The following COBLL1 variants were observed in gnomAD, a reference collection of about 807,000 sequenced individuals.
The protein encoded by COBLL1 is cordon-bleu protein-like 1.
COBLL1 carries 50 observed loss-of-function variants against 94.8 expected under a neutral mutation model. That is an observed-to-expected ratio of 0.53 (90% CI 0.42 to 0.67). The LOEUF (loss-of-function observed/expected upper bound fraction) is 0.67. Among genes scored for constraint, COBLL1 ranks in the 30% least tolerant of loss-of-function variants. COBLL1 has a pLI of 0.00. For synonymous variants in COBLL1, 448 were observed against 473.8 expected (o/e 0.95, Z 0.71); for missense variants, 1,362 against 1,348.7 (o/e 1.01, Z -0.15).
chr2:164,728,289 A>T, intron 4 of COBLL1, 92 bp from the exon 5 acceptor site: 1 of 743,234 alleles, frequency 1.3e-6, no homozygotes, highest in Non-Finnish European at 2.3e-6. Flanking sequence ...ACCTACAGTT[A>T]CATATTCAAA....
Position 164,801,188 on chromosome 2 carries a change from C to G in COBLL1, c.41+39968G>C, listed in dbSNP as rs574136909. Among the ~76,000 whole-genome samples, 175 of 151,848 alleles carry G rather than the reference C, an allele frequency of 1.2e-3. 2 individuals are homozygous for G. The highest frequency in any genetic ancestry group is 3.8e-3 in the African/African-American group (157 of 41,380). ...GGCGCGGTGGCTCACGCCTGTAATC[C>G]CAGCACTTTGGGAGGCCGAGGCAGG... On this transcript the variant is annotated intron_variant, in intron 2 of 13. Transcript: ENST00000652658.
chr2:164,682,347 G>C lies in COBLL1; in HGVS notation c.*3599C>G, dbSNP rs1454322805. The C allele has an allele frequency of 6.6e-6, 1 of 152,156 alleles. No homozygotes were observed. The highest frequency in any genetic ancestry group is 2.4e-5 in the African/African-American group (1 of 41,436). 9.4% of individuals were successfully genotyped at this position (152,156 alleles called of 1,614,324 possible). A position where few individuals can be genotyped will look rare whatever the true frequency, so the allele number is the denominator to read the frequency against. On this transcript the variant is annotated 3_prime_UTR_variant, in exon 14 of 14. Coordinates refer to ENST00000652658, the MANE Select transcript of COBLL1 (RefSeq NM_001365672.2). Reference sequence around the variant, plus strand: ...ATCAAAATCAGTAGATTTTAAAAATGATGAGTTTGATTCTTAGTTCTTTGA... The same window carrying C: ...ATCAAAATCAGTAGATTTTAAAAATCATGAGTTTGATTCTTAGTTCTTTGA...
At chr2:164,706,960 T>C (rs553158475) in intron 7 of COBLL1, among the ~76,000 whole-genome samples, 1 of 152,296 alleles carries the variant, frequency 6.6e-6, no homozygotes, top group East Asian at 1.9e-4. Flanking sequence ...TAGCTTTCTC[T>C]GGCCTCTCCT....
At chr2:164,800,801 G>A (rs1197287956) in intron 2 of COBLL1, among the ~76,000 whole-genome samples, 2 of 152,108 alleles carry the variant, frequency 1.3e-5, no homozygotes, top group African/African-American at 2.4e-5. Flanking sequence ...AGTCTCAAAA[G>A]GTTGCATACT....
At chr2:164,824,830 C>CA (rs1007138177) in intron 2 of COBLL1, among the ~76,000 whole-genome samples, 5 of 151,720 alleles carry the variant, frequency 3.3e-5, no homozygotes, top group African/African-American at 4.8e-5. Context: ...ATTAAAAATA[C>CA]AAAAAAAAGT....
intron 2 of COBLL1, among the ~76,000 whole-genome samples, chr2:164,771,280 T>C (rs192840196): frequency 1.1e-4 from 16 of 152,150 alleles, no homozygotes; most frequent in African/African-American, 3.8e-4. Flanking sequence ...TTGAAAATCA[T>C]CTTTAGTAAT....
intron 12 of COBLL1, among the ~76,000 whole-genome samples, chr2:164,693,651 A>G (rs1683737566): frequency 1.3e-5 from 2 of 152,168 alleles, no homozygotes; most frequent in Admixed American, 1.3e-4. Flanking sequence ...TAGTGGTTAG[A>G]TAACAGTTTG....
At chr2:164,700,212 C>T (rs1352428214) in intron 10 of COBLL1, among the ~76,000 whole-genome samples, 2 of 152,004 alleles carry the variant, frequency 1.3e-5, no homozygotes, top group Admixed American at 1.3e-4. Flanking sequence ...TTAAATATTA[C>T]ATATAGGTCA....
chr2:164,798,765 A>G (rs918008695), intron 2 of COBLL1, among the ~76,000 whole-genome samples: 2 of 152,136 alleles, frequency 1.3e-5, no homozygotes, highest in African/African-American at 4.8e-5. Context: ...CACGCCTGTA[A>G]TCCCAGCACT....
At chr2:164,673,920 G>C (rs1233332451) in intron 1 of COBLL1, among the ~76,000 whole-genome samples, 1 of 151,986 alleles carries the variant, frequency 6.6e-6, no homozygotes, top group Non-Finnish European at 1.5e-5. Flanking sequence ...GAATGAAGCT[G>C]GCTATTGTCA....
intron 2 of COBLL1, among the ~76,000 whole-genome samples, chr2:164,784,124 C>T (rs1425980383): frequency 6.6e-6 from 1 of 152,182 alleles, no homozygotes. Context: ...TCTCAGGCTT[C>T]CTTTCTCTCT....
intron 9 of COBLL1, among the ~76,000 whole-genome samples, chr2:164,703,418 TA>T (rs1684420799): frequency 6.6e-6 from 1 of 152,220 alleles, no homozygotes; most frequent in Non-Finnish European, 1.5e-5. Context: ...CACTCCTTTT[TA>T]TAATATTTCA....
intron 2 of COBLL1, among the ~76,000 whole-genome samples, chr2:164,837,059 A>T (rs566695909): frequency 6.6e-6 from 1 of 152,350 alleles, no homozygotes; most frequent in South Asian, 2.1e-4. Context: ...TTAAGAAAGC[A>T]GCTGTTAAAT....
At chr2:164,839,134 C>CA (rs1347356132) in intron 2 of COBLL1, among the ~76,000 whole-genome samples, 3 of 152,088 alleles carry the variant, frequency 2.0e-5, no homozygotes, top group African/African-American at 7.2e-5. Context: ...TAATGTAAGG[C>CA]AAAATGATAG....
rs901463859 is a variant in COBLL1, at chr2:164,719,935, GA to G, written c.996+2139del. ...AAATGAATAAAAGAAACAGTGACAA[GA>G]AAAAAAAAATAGAAGAGGGCTGAGA... is the stretch of plus-strand genomic sequence containing the variant. On this transcript the variant is annotated intron_variant, in intron 7 of 13. Coordinates refer to ENST00000652658, the MANE Select transcript of COBLL1 (RefSeq NM_001365672.2). Among the ~76,000 whole-genome samples the G allele has an allele frequency of 3.4e-3, 499 of 145,774 alleles. 1 individual carries two copies. Among genetic ancestry groups the G allele is most frequent in the Non-Finnish European group, 6.2e-3 (407 of 65,972 alleles).
At chr2:164,781,952 A>T (rs1444440580) in intron 2 of COBLL1, among the ~76,000 whole-genome samples, 5 of 152,196 alleles carry the variant, frequency 3.3e-5, no homozygotes, top group African/African-American at 1.2e-4. Flanking sequence ...TGAATTTTTT[A>T]AAATGGAATA....
At chr2:164,773,879 T>G (rs1688334018) in intron 2 of COBLL1, 3 of 286,966 alleles carry the variant, frequency 1.0e-5, no homozygotes, top group Non-Finnish European at 1.8e-5. Flanking sequence ...TTCACTGGTC[T>G]TATCCAATCA....
downstream of COBLL1, among the ~76,000 whole-genome samples, chr2:164,679,379 A>G (rs1209529998): frequency 2.0e-5 from 3 of 152,152 alleles, no homozygotes; most frequent in Admixed American, 6.6e-5. Flanking sequence ...GGCAACTGAG[A>G]TAAGGTTACA....
chr2:164,714,916 T>C (rs1574460119), intron 7 of COBLL1, among the ~76,000 whole-genome samples: 1 of 152,312 alleles, frequency 6.6e-6, no homozygotes, highest in Non-Finnish European at 1.5e-5. Context: ...TCCATATTAA[T>C]TCCACAAATG....
Sources: gnomAD v4.1 joint callset for allele counts (sites outside exome capture counted in the v4.1 genomes callset) on GRCh38, gnomAD v4.1.1 for gene constraint, MANE v1.5 for transcripts, NCBI Gene and HGNC (gene_info 2026-07-23, HGNC 2026-07-21) for gene names.